The following SASH1 variants were observed in gnomAD, a reference collection of about 807,000 sequenced individuals.
SASH1 encodes the protein SAM and SH3 domain-containing protein 1.
In SASH1, 44 loss-of-function variants were observed where a neutral mutation model predicts 125.2. The observed-to-expected ratio is 0.35, with a 90% CI of 0.28 to 0.45. The LOEUF (loss-of-function observed/expected upper bound fraction) is 0.45, where lower values mean the gene tolerates loss of function less well. SASH1 is among the 20% of genes least tolerant of loss of function. The pLI, the probability that SASH1 is intolerant of heterozygous loss-of-function variation, is 1.00. For missense variants in SASH1, 1,426 were observed against 1,614.5 expected, an observed-to-expected ratio of 0.88 and a Z score of 2.00; for synonymous variants, 639 against 649.1, an observed-to-expected ratio of 0.98 and a Z score of 0.24.
chr6:148,532,099 A>AGAT lies in SASH1; in HGVS notation c.1564+440_1564+442dup, dbSNP rs940035724. Among the ~76,000 whole-genome samples the AGAT allele has an allele frequency of 7.2e-5, 11 of 152,194 alleles. No individual in the cohort carries two copies. The highest frequency in any genetic ancestry group is 1.4e-4 in the African/African-American group (6 of 41,514). On this transcript the variant is annotated intron_variant, in intron 13 of 19. Coordinates refer to ENST00000367467, the MANE Select transcript of SASH1 (RefSeq NM_015278.5). This position sits in a 1 kb window ranked among gnomAD's most constrained non-coding sequence, Gnocchi z 4.7. ...TATTTTATTTTTATTTTTATTTTTGAGATGGAGTCTCACTGTCTCCCAGGC... is the reference window on the plus strand; with the variant it reads ...TATTTTATTTTTATTTTTATTTTTGAGATGATGGAGTCTCACTGTCTCCCAGGC...
intron 8 of SASH1, among the ~76,000 whole-genome samples, chr6:148,502,118 C>T (rs1200848717): frequency 6.6e-6 from 1 of 152,174 alleles, no homozygotes; most frequent in Non-Finnish European, 1.5e-5. Context: ...TCTCTGCCGC[C>T]GCCTCCTCCT....
intron 1 of SASH1, among the ~76,000 whole-genome samples, chr6:148,314,992 A>G (rs1460328658): frequency 6.6e-6 from 1 of 152,080 alleles, no homozygotes; most frequent in African/African-American, 2.4e-5. Flanking sequence ...TCCTGATCTC[A>G]GGTGATCCGC....
At chr6:148,473,778 T>A (rs1250236764) in intron 6 of SASH1, among the ~76,000 whole-genome samples, 1 of 152,194 alleles carries the variant, frequency 6.6e-6, no homozygotes. Flanking sequence ...GTAAATTAGA[T>A]CTTTACTCCA....
At chr6:148,295,230 A>G (rs1430000212) in intron 1 of SASH1, among the ~76,000 whole-genome samples, 2 of 152,146 alleles carry the variant, frequency 1.3e-5, no homozygotes, top group Non-Finnish European at 2.9e-5. Context: ...CTTTGGGGGA[A>G]AAATAACCCT....
chr6:148,333,671 C>T (rs888194938), intron 1 of SASH1, among the ~76,000 whole-genome samples: 2 of 152,004 alleles, frequency 1.3e-5, no homozygotes, highest in Admixed American at 1.3e-4. Context: ...AAGCGATTCT[C>T]CTGCCTCAGC....
chr6:148,486,493 A>T (rs915177426), intron 7 of SASH1, among the ~76,000 whole-genome samples: 2 of 152,104 alleles, frequency 1.3e-5, no homozygotes, highest in African/African-American at 4.8e-5. Flanking sequence ...TAAACTTTTA[A>T]TATCTCTAAG....
At chr6:148,399,240 T>A (rs970783504) in intron 2 of SASH1, among the ~76,000 whole-genome samples, 1 of 116,472 alleles carries the variant, frequency 8.6e-6, no homozygotes, top group African/African-American at 3.3e-5. Flanking sequence ...TTTTTTTTTT[T>A]GAGTTTCACT....
At chr6:148,383,436 A>G (rs1583058004) in intron 1 of SASH1, among the ~76,000 whole-genome samples, 2 of 152,326 alleles carry the variant, frequency 1.3e-5, no homozygotes, top group South Asian at 4.2e-4. Context: ...TTAAGGACGG[A>G]AAAGGTAAAG....
chr6:148,285,410 A>G (rs937801477), intron 1 of SASH1, among the ~76,000 whole-genome samples: 1 of 152,218 alleles, frequency 6.6e-6, no homozygotes, highest in African/African-American at 2.4e-5. Context: ...AGCATCCTCC[A>G]AGGATAGAAC....
At chr6:148,208,676 T>A in the SASH1 span, among the ~76,000 whole-genome samples, 1,030 of 152,286 alleles carry the variant, frequency 6.8e-3, 10 homozygotes, top group African/African-American at 0.023. Flanking sequence ...TCTTGTTTTG[T>A]GAATTGGAGA....
At chr6:148,361,323 C>T (rs564399222) in intron 1 of SASH1, among the ~76,000 whole-genome samples, 17 of 152,280 alleles carry the variant, frequency 1.1e-4, no homozygotes, top group South Asian at 6.2e-4. Context: ...CAAGGCCAGA[C>T]GCGGTGGCTC....
chr6:148,406,368 C>G (rs1434162280), intron 2 of SASH1, among the ~76,000 whole-genome samples: 1 of 152,024 alleles, frequency 6.6e-6, no homozygotes, highest in Admixed American at 6.5e-5. Flanking sequence ...TAGATAAAAG[C>G]AGTTGGAATA....
rs1187141524 is a variant in SASH1 at position 148,343,112 on chromosome 6, C to G, written c.45C>G (p.Pro15=). Residue 15 remains proline (P), a synonymous_variant, in exon 1 of 20, where the codon CCC becomes CCG. Transcript: ENST00000367467. ...GAAGPGPEPE[P]EPEPEPEPAP... is the part of the protein sequence containing the mutation. ...CTGGCCCGGGGCCGGAGCCTGAGCC[C>G]GAGCCCGAGCCGGAGCCCGAGCCCG... 3 of 1,583,090 alleles carry G rather than the reference C, an allele frequency of 1.9e-6. No homozygotes were observed. The highest frequency in any genetic ancestry group is 1.7e-5 in the Admixed American group (1 of 57,904).
chr6:148,339,397 C>T (rs1781259874), upstream of SASH1, among the ~76,000 whole-genome samples: 1 of 151,856 alleles, frequency 6.6e-6, no homozygotes. Context: ...AACATTATCT[C>T]ATTTCCCTAT....
At chr6:148,224,331 T>C in the SASH1 span, among the ~76,000 whole-genome samples, 1 of 151,536 alleles carries the variant, frequency 6.6e-6, no homozygotes, top group Non-Finnish European at 1.5e-5. Context: ...GTTGCCTTGA[T>C]GCCTTGATGA....
intron 19 of SASH1, among the ~76,000 whole-genome samples, chr6:148,546,494 C>A (rs1017738126): frequency 1.4e-4 from 21 of 152,120 alleles, no homozygotes; most frequent in Admixed American, 1.4e-3. Flanking sequence ...CATAGTGAGA[C>A]CCCATCTCTT....
intron 1 of SASH1, among the ~76,000 whole-genome samples, chr6:148,384,639 AT>A (rs1179862711): frequency 9.9e-5 from 15 of 152,216 alleles, no homozygotes; most frequent in African/African-American, 3.6e-4. Context: ...AAAATTAAAT[AT>A]TTTTATGGAG....
At position 148,440,214 on chromosome 6, in the gene SASH1, C is replaced by G. The variant is rs1330465331; in HGVS notation, c.316C>G (p.Gln106Glu). 6.2e-7 allele frequency: 1 copy of G among 1,614,078 alleles called. No homozygotes were observed. The highest frequency in any genetic ancestry group is 8.5e-7 in the Non-Finnish European group (1 of 1,180,026). Residue 106 changes from glutamine (Q) to glutamate (E), a missense_variant, in exon 3 of 20, where the codon CAG becomes GAG. Around this residue, in one of 3 missense-constraint regions of SASH1, gnomAD observed 567 missense variants for 575.6 expected, o/e 0.99. Coordinates refer to ENST00000367467, the MANE Select transcript of SASH1 (RefSeq NM_015278.5). ...EKPDASPTSL[Q>E]LRSQIEESLG... ...ACCCGATGCTAGCCCCACGTCACTT[C>G]AGCTGCGGTCCCAGATCGAAGTAAG... is the stretch of plus-strand genomic sequence containing the variant.
At chr6:148,507,296 C>A (rs553858737) in intron 8 of SASH1, among the ~76,000 whole-genome samples, 1 of 152,242 alleles carries the variant, frequency 6.6e-6, no homozygotes, top group East Asian at 1.9e-4. Flanking sequence ...TGATGCAGAA[C>A]CCGCAATGTG....
Sources: gnomAD v4.1 joint callset for allele counts (sites outside exome capture counted in the v4.1 genomes callset) on GRCh38, gnomAD v4.1.1 for gene constraint, gnomAD v4.1.1 regional missense constraint, Gnocchi (gnomAD v3.1) non-coding constraint, MANE v1.5 for transcripts, NCBI Gene and HGNC (gene_info 2026-07-23, HGNC 2026-07-21) for gene names.